Variants in NOX4 observed in about 807,000 individuals in gnomAD.
NOX4 encodes kidney oxidase-1.
Under a neutral mutation model 87.6 loss-of-function variants are expected in NOX4, and 69 were observed. The ratio of observed to expected loss-of-function variants is 0.79; its 90% CI spans 0.65 to 0.96. NOX4 has a LOEUF of 0.96. NOX4 is among the 40% of genes least tolerant of loss of function. The pLI is 0.00. For synonymous variants in NOX4, 275 were observed against 238.2 expected (o/e 1.15, Z -1.42); for missense variants, 680 against 681.5 (o/e 1.00, Z 0.02).
the NOX4 span, among the ~76,000 whole-genome samples, chr11:89,521,801 C>G: frequency 6.6e-6 from 1 of 152,004 alleles, no homozygotes; most frequent in Non-Finnish European, 1.5e-5. Flanking sequence ...AGTCTAATAT[C>G]CAGGATCTAT....
At chr11:89,430,395 G>T (rs550344706) in intron 7 of NOX4, among the ~76,000 whole-genome samples, 1 of 152,122 alleles carries the variant, frequency 6.6e-6, no homozygotes, top group East Asian at 1.9e-4. Flanking sequence ...ATTCAATTAG[G>T]AAAAAAGGAA....
chr11:89,446,601 G>T (rs1354355917), intron 4 of NOX4, among the ~76,000 whole-genome samples: 1 of 152,204 alleles, frequency 6.6e-6, no homozygotes, highest in East Asian at 1.9e-4. Context: ...ATTACTAAGT[G>T]AAAGAAGCCA....
At chr11:89,336,329 G>T (rs1945714747) in intron 16 of NOX4, among the ~76,000 whole-genome samples, 1 of 151,874 alleles carries the variant, frequency 6.6e-6, no homozygotes, top group South Asian at 2.1e-4. Context: ...GTAAGACAAA[G>T]AATGAATTCT....
chr11:89,478,189 C>T (rs552642138), intron 2 of NOX4, among the ~76,000 whole-genome samples: 281 of 149,378 alleles, frequency 1.9e-3, no homozygotes, highest in African/African-American at 6.8e-3. Context: ...TCTTTCCCTG[C>T]CCCTGTCCCC....
chr11:89,475,532 C>G (rs1400040367), intron 2 of NOX4, among the ~76,000 whole-genome samples: 1 of 151,912 alleles, frequency 6.6e-6, no homozygotes, highest in South Asian at 2.1e-4. Context: ...TATTTAATGG[C>G]TTAGGATGGA....
intron 13 of NOX4, among the ~76,000 whole-genome samples, chr11:89,349,026 C>T (rs563573268): frequency 6.6e-6 from 1 of 152,290 alleles, no homozygotes; most frequent in Non-Finnish European, 1.5e-5. Flanking sequence ...CAGTGGCTCA[C>T]ACCTGTAATC....
chr11:89,356,036 A>T (rs1466367730), intron 12 of NOX4, among the ~76,000 whole-genome samples: 2 of 152,130 alleles, frequency 1.3e-5, no homozygotes, highest in African/African-American at 2.4e-5. Context: ...ATGTTGAGTG[A>T]AATAAAATCT....
intron 8 of NOX4, among the ~76,000 whole-genome samples, chr11:89,406,072 T>C (rs893712244): frequency 1.3e-5 from 2 of 152,158 alleles, no homozygotes; most frequent in African/African-American, 4.8e-5. Flanking sequence ...TCAAGCTCAA[T>C]TGAATGCAAT....
chr11:89,420,979 T>G (rs911371365), intron 8 of NOX4, among the ~76,000 whole-genome samples: 1 of 152,098 alleles, frequency 6.6e-6, no homozygotes, highest in African/African-American at 2.4e-5. Flanking sequence ...TCCTGTGGAG[T>G]ACGAATGAGC....
the NOX4 span, among the ~76,000 whole-genome samples, chr11:89,558,145 C>T: frequency 6.6e-6 from 1 of 152,152 alleles, no homozygotes; most frequent in South Asian, 2.1e-4. Context: ...TATCTTTTTA[C>T]TTATGCAAAA....
At chr11:89,465,321 T>C (rs933739038) in intron 2 of NOX4, among the ~76,000 whole-genome samples, 2 of 141,694 alleles carry the variant, frequency 1.4e-5, no homozygotes, top group African/African-American at 6.4e-5. Context: ...AACTCACCCT[T>C]TTTTATGGCT....
chr11:89,552,160 T>G, the NOX4 span, among the ~76,000 whole-genome samples: 1 of 152,210 alleles, frequency 6.6e-6, no homozygotes, highest in African/African-American at 2.4e-5. Flanking sequence ...ACCTGTAGTT[T>G]TAAAAACACT....
intron 12 of NOX4, among the ~76,000 whole-genome samples, chr11:89,358,610 T>C (rs1400826739): frequency 1.3e-5 from 2 of 151,674 alleles, no homozygotes; most frequent in African/African-American, 4.8e-5. Flanking sequence ...CAATTATCCT[T>C]AGAAAAGTTC....
intron 5 of NOX4, 21 bp downstream of exon 5, chr11:89,444,114 G>T (rs377144221): frequency 2.5e-6 from 4 of 1,602,370 alleles, no homozygotes; most frequent in Non-Finnish European, 2.6e-6. Flanking sequence ...AAAGAAAAAT[G>T]GGAAGACAGA....
chr11:89,520,682 C>T, the NOX4 span, among the ~76,000 whole-genome samples: 91 of 152,092 alleles, frequency 6.0e-4, no homozygotes, highest in South Asian at 8.3e-4. Flanking sequence ...CAACATAGGA[C>T]GGAAGTGCTA....
Position 89,452,404 on chromosome 11 carries a change from A to G in NOX4, c.154-509T>C, listed in dbSNP as rs1269422750. On this transcript the variant is annotated intron_variant, in intron 2 of 17. Coordinates refer to ENST00000263317, the MANE Select transcript of NOX4 (RefSeq NM_016931.5). ...GCTCTGCTTATCACTAACTCTACTCATCTTTCTGGTCACATAGTAAGCACG... is the reference window on the plus strand; with the variant it reads ...GCTCTGCTTATCACTAACTCTACTCGTCTTTCTGGTCACATAGTAAGCACG... Among the ~76,000 whole-genome samples the G allele has an allele frequency of 5.9e-5, 9 of 152,166 alleles. No individual in the cohort carries two copies. The East Asian group carries it at 1.7e-3, about 29-fold the overall frequency.
intron 11 of NOX4, among the ~76,000 whole-genome samples, chr11:89,391,739 CAAA>C (rs11419337): frequency 1.2e-4 from 12 of 97,090 alleles, no homozygotes; most frequent in Admixed American, 2.3e-4. Context: ...GACCTTGTCT[CAAA>C]AAAAAAAAAA....
Position 89,363,880 on chromosome 11 carries a change from C to T in NOX4, c.1136-8837G>A, listed in dbSNP as rs113332658. Among the ~76,000 whole-genome samples the T allele has an allele frequency of 3.8e-3, 571 of 152,106 alleles. 4 individuals are homozygous for T. Among genetic ancestry groups the T allele is most frequent in the African/African-American group, 0.013 (539 of 41,506 alleles). Reference sequence around the variant, plus strand: ...TAACAATATAATAGTAACAATGTTGCTATTTAAACTATTGGTTTCAGATAA... The same window carrying T: ...TAACAATATAATAGTAACAATGTTGTTATTTAAACTATTGGTTTCAGATAA... On this transcript the variant is annotated intron_variant, in intron 12 of 17. Transcript: ENST00000263317.
the NOX4 span, among the ~76,000 whole-genome samples, chr11:89,582,273 T>C: frequency 6.6e-6 from 1 of 152,158 alleles, no homozygotes; most frequent in Non-Finnish European, 1.5e-5. Context: ...ATTTTCTTTA[T>C]CCATTCATCT....
Sources: gnomAD v4.1 joint callset for allele counts (sites outside exome capture counted in the v4.1 genomes callset) on GRCh38, gnomAD v4.1.1 for gene constraint, MANE v1.5 for transcripts, NCBI Gene and HGNC (gene_info 2026-07-23, HGNC 2026-07-21) for gene names.